The following DLG2 variants were observed in gnomAD, a reference collection of about 807,000 sequenced individuals.
The protein encoded by DLG2 is discs large MAGUK scaffold protein 2, also known as disks large homolog 2.
DLG2 carries 45 observed loss-of-function variants against 132.5 expected under a neutral mutation model. That is an observed-to-expected ratio of 0.34 (90% CI 0.27 to 0.44). The LOEUF is 0.44. Among genes scored for constraint, DLG2 ranks in the 20% least tolerant of loss-of-function variants. The pLI, the probability that DLG2 is intolerant of heterozygous loss-of-function variation, is 1.00. For missense variants in DLG2, 1,045 were observed against 1,196.9 expected (o/e 0.87, Z 1.87); for synonymous variants, 424 against 419.6 (o/e 1.01, Z -0.13).
intron 3 of DLG2, among the ~76,000 whole-genome samples, chr11:85,533,645 T>C: frequency 6.6e-6 from 1 of 152,184 alleles, no homozygotes; most frequent in South Asian, 2.1e-4. Context: ...TAATTTATTA[T>C]AGATATAGAT....
chr11:84,633,290 C>G (rs2099635229), intron 6 of DLG2, among the ~76,000 whole-genome samples: 1 of 152,260 alleles, frequency 6.6e-6, no homozygotes, highest in South Asian at 2.1e-4. Flanking sequence ...GAAACTCTCA[C>G]TTTTTTTCCT....
chr11:84,857,805 T>A (rs1366337679), intron 6 of DLG2, among the ~76,000 whole-genome samples: 2 of 152,084 alleles, frequency 1.3e-5, no homozygotes, highest in Non-Finnish European at 2.9e-5. Flanking sequence ...GTTGTTTGGA[T>A]CTGTAGCTTG....
intron 6 of DLG2, among the ~76,000 whole-genome samples, chr11:84,822,849 T>C (rs1384183360): frequency 6.6e-6 from 1 of 151,956 alleles, no homozygotes; most frequent in Non-Finnish European, 1.5e-5. Flanking sequence ...TAAATTCTCC[T>C]AACTTAATTG....
At chr11:85,376,276 C>G (rs12574393) in intron 3 of DLG2, among the ~76,000 whole-genome samples, 2 of 152,062 alleles carry the variant, frequency 1.3e-5, no homozygotes, top group East Asian at 1.9e-4. Flanking sequence ...ATTCAGCAAG[C>G]AGTATTTGAA....
At chr11:85,003,760 T>C (rs561428283) in intron 6 of DLG2, among the ~76,000 whole-genome samples, 1 of 152,314 alleles carries the variant, frequency 6.6e-6, no homozygotes, top group South Asian at 2.1e-4. Context: ...CTGGGATACA[T>C]ATGCAGAACA....
intron 7 of DLG2, among the ~76,000 whole-genome samples, chr11:84,458,249 T>C (rs1230381989): frequency 6.6e-6 from 1 of 150,994 alleles, no homozygotes; most frequent in Non-Finnish European, 1.5e-5. Flanking sequence ...GTATACAAAA[T>C]GCTGATTTGG....
At chr11:85,304,443 G>A (rs562284858) in intron 3 of DLG2, among the ~76,000 whole-genome samples, 1 of 152,138 alleles carries the variant, frequency 6.6e-6, no homozygotes, top group East Asian at 1.9e-4. Context: ...CTAACTGAAG[G>A]TCCAAGAATT....
chr11:84,972,895 C>T (rs946610593), intron 6 of DLG2, among the ~76,000 whole-genome samples: 1 of 151,916 alleles, frequency 6.6e-6, no homozygotes, highest in Non-Finnish European at 1.5e-5. Context: ...TTTAGTCCCA[C>T]TGTCCATTGT....
At chr11:84,245,758 A>G (rs183033994) in intron 8 of DLG2, among the ~76,000 whole-genome samples, 1 of 152,176 alleles carries the variant, frequency 6.6e-6, no homozygotes, top group Non-Finnish European at 1.5e-5. Flanking sequence ...AGTGCCATTG[A>G]CCTACAATAT....
At chr11:84,630,689 T>C (rs9645701) in intron 6 of DLG2, among the ~76,000 whole-genome samples, 10,801 of 151,988 alleles carry the variant, frequency 0.071, 476 homozygotes, top group South Asian at 0.17. Flanking sequence ...TCTATCTGAA[T>C]AACACATTAT....
intron 3 of DLG2, among the ~76,000 whole-genome samples, chr11:85,508,266 C>T (rs1431590751): frequency 2.6e-5 from 4 of 151,894 alleles, no homozygotes; most frequent in African/African-American, 9.7e-5. Flanking sequence ...AAACACAAGT[C>T]AGATCCCTCC....
At chr11:83,495,717 C>T (rs912279190) in intron 21 of DLG2, among the ~76,000 whole-genome samples, 13 of 152,130 alleles carry the variant, frequency 8.5e-5, no homozygotes, top group African/African-American at 2.7e-4. Flanking sequence ...TAAGTCCAAC[C>T]TCTCACTCAT....
At chr11:84,951,374 G>A (rs2050890224) in intron 6 of DLG2, among the ~76,000 whole-genome samples, 1 of 152,014 alleles carries the variant, frequency 6.6e-6, no homozygotes, top group Non-Finnish European at 1.5e-5. Context: ...CTTAAGTTTA[G>A]GATAATAGCA....
At chr11:85,536,389 C>A (rs938366641) in intron 3 of DLG2, among the ~76,000 whole-genome samples, 1 of 152,172 alleles carries the variant, frequency 6.6e-6, no homozygotes, top group Non-Finnish European at 1.5e-5. Flanking sequence ...CTCCTGCCCT[C>A]CTTTCTCCTC....
In DLG2 at chr11:83,579,442, G is replaced by A. The variant is rs145054245; in HGVS notation, c.1941-37584C>T. Among the ~76,000 whole-genome samples, 24 of 152,166 alleles carry A rather than the reference G, an allele frequency of 1.6e-4. No homozygotes were observed. In the East Asian group the frequency reaches 2.1e-3, roughly 13 times the overall value. On this transcript the variant is annotated intron_variant, in intron 19 of 27. Transcript: ENST00000376104. The stretch of plus-strand genomic sequence containing the variant: ...TGGCCAAACCAGCATAATGGATATC[G>A]CCACATTCCTGTGACTGTATCTAGA...
At chr11:84,382,958 C>T (rs914209562) in intron 7 of DLG2, among the ~76,000 whole-genome samples, 3 of 151,832 alleles carry the variant, frequency 2.0e-5, no homozygotes, top group African/African-American at 7.3e-5. Context: ...GATAGCATCT[C>T]ATTTATTTCC....
intron 17 of DLG2, among the ~76,000 whole-genome samples, chr11:83,804,507 T>A (rs554025764): frequency 8.6e-5 from 13 of 151,494 alleles, no homozygotes; most frequent in Admixed American, 2.6e-4. Context: ...TTCTTAACAT[T>A]TTGGTACATT....
chr11:85,606,480 A>C (rs2080550981), intron 2 of DLG2, among the ~76,000 whole-genome samples: 1 of 152,184 alleles, frequency 6.6e-6, no homozygotes, highest in Non-Finnish European at 1.5e-5. Flanking sequence ...CGGATCAATC[A>C]GCACTCTGTA....
intron 14 of DLG2, among the ~76,000 whole-genome samples, chr11:83,955,276 G>T (rs1314353391): frequency 6.6e-6 from 1 of 152,106 alleles, no homozygotes; most frequent in Non-Finnish European, 1.5e-5. Flanking sequence ...CTAGGAAATG[G>T]TGTGATTCAA....
Sources: allele counts gnomAD v4.1 joint callset (sites outside exome capture counted in the v4.1 genomes callset), GRCh38; gene constraint gnomAD v4.1.1; transcripts MANE v1.5; gene names NCBI Gene and HGNC (gene_info 2026-07-23, HGNC 2026-07-21).